Variants in ITGB4 observed in about 807,000 individuals in gnomAD.
ITGB4 encodes the protein integrin subunit beta 4.
ITGB4 carries 159 observed loss-of-function variants against 207.6 expected under a neutral mutation model. The observed-to-expected ratio is 0.77, with a 90% CI of 0.67 to 0.87. The LOEUF (loss-of-function observed/expected upper bound fraction) is 0.87. Ranked by LOEUF, ITGB4 falls within the 40% of genes least tolerant of loss-of-function variation. The pLI, the probability that ITGB4 is intolerant of heterozygous loss-of-function variation, is 0.00. For missense variants in ITGB4, 2,278 were observed against 2,546.8 expected (o/e 0.89, Z 2.27); for synonymous variants, 1,020 against 1,062.7 (o/e 0.96, Z 0.78).
In ITGB4 at chr17:75,742,522, G is replaced by A. The variant is rs374325497; in HGVS notation, c.2782+33G>A. On this transcript the variant is annotated intron_variant, in intron 24 of 39. Coordinates refer to ENST00000200181, the MANE Select transcript of ITGB4 (RefSeq NM_000213.5). The surrounding 1 kb of genome is among the most constrained non-coding windows in gnomAD (Gnocchi z 5.9). ...GGCGGGTCCGCTGTGCCACTGCCTC[G>A]CACCTCCCGCCTGTGTGGCCCTGTG... 25 of 1,613,060 alleles carry A rather than the reference G, an allele frequency of 1.5e-5. No individual in the cohort carries two copies. Among genetic ancestry groups the A allele is most frequent in the Admixed American group, 1.0e-4 (6 of 59,964 alleles).
intron 26 of ITGB4, 130 bp downstream of exon 26, chr17:75,743,991 TC>T: frequency 9.6e-7 from 1 of 1,044,554 alleles, no homozygotes; most frequent in Non-Finnish European, 1.4e-6. Context: ...CTGGCTGGCC[TC>T]CCAAGGACAC....
chr17:75,748,776 G>A (rs1476557630), intron 26 of ITGB4, 65 bp from the exon 27 acceptor site: 25 of 1,228,834 alleles, frequency 2.0e-5, no homozygotes, highest in East Asian at 5.0e-5. Context: ...GGGAGGGAGC[G>A]TGTGGCCATG....
Position 75,738,396 on chromosome 17 carries a change from C to T in ITGB4, c.2220+752C>T, listed in dbSNP as rs78927866. Among the ~76,000 whole-genome samples, 508 of 152,346 alleles carry T rather than the reference C, an allele frequency of 3.3e-3. 4 individuals are homozygous for T. Among genetic ancestry groups the T allele is most frequent in the African/African-American group, 0.011 (477 of 41,576 alleles). On this transcript the variant is annotated intron_variant, in intron 18 of 39. Transcript: ENST00000200181. ...GCATGTCCACGTGACTCCATTTCCC[C>T]GCCCCCCATCACCCCATGAGGTCAG...
chr17:75,724,469 G>GGGGC (rs1253932731), intron 1 of ITGB4, among the ~76,000 whole-genome samples: 1 of 152,250 alleles, frequency 6.6e-6, no homozygotes, highest in Non-Finnish European at 1.5e-5. Context: ...AGGGCTGGAG[G>GGGGC]GGGCCTCCCG....
intron 32 of ITGB4, 73 bp downstream of exon 32, chr17:75,752,650 GA>G: frequency 6.3e-7 from 1 of 1,584,848 alleles, no homozygotes; most frequent in Non-Finnish European, 8.6e-7. Context: ...TGGGTCCAGA[GA>G]GGGCAAAGGG....
At chr17:75,730,201 C>G in intron 7 of ITGB4, 40 bp from the exon 8 acceptor site, 1 of 1,610,422 alleles carries the variant, frequency 6.2e-7, no homozygotes, top group African/African-American at 1.3e-5. Flanking sequence ...TGTCAGCAGG[C>G]AGCCTGCTCA....
intron 34 of ITGB4, chr17:75,755,035 CTT>C (rs1568384601): frequency 3.1e-6 from 5 of 1,589,040 alleles, no homozygotes; most frequent in African/African-American, 1.3e-5. Context: ...TCCTCTCACT[CTT>C]GTTTTGTCCT....
rs1406286299 is a variant in ITGB4, at chr17:75,731,251, C to G, written c.1098C>G (p.Ile366Met). The G allele has an allele frequency of 6.2e-7, 1 of 1,613,284 alleles. No homozygotes were observed. The highest frequency in any genetic ancestry group is 1.3e-5 in the African/African-American group (1 of 74,944). Residue 366 changes from isoleucine to methionine, a missense_variant, in exon 10 of 40, where the codon ATC (isoleucine) becomes ATG (methionine). By Grantham distance (10) the Ile-to-Met change is conservative. Coordinates refer to ENST00000200181, the MANE Select transcript of ITGB4 (RefSeq NM_000213.5). This position sits in a 1 kb window ranked among gnomAD's most constrained non-coding sequence, Gnocchi z 6.8. ...CAACCTCCTTCCTCCTTTAGCGGAT[C>G]CGCTCCAACCTGGACATCCGGGCCC... is the stretch of plus-strand genomic sequence containing the variant. ...VELLEEAFNR[I>M]RSNLDIRALD...
chr17:75,736,601 G>T lies in ITGB4; in HGVS notation c.1897G>T (p.Val633Leu). Residue 633 changes from valine (V) to leucine (L), a missense_variant, in exon 16 of 40, where the codon GTG becomes TTG. Physicochemically the swap from Val to Leu is conservative, Grantham distance 32 (BLOSUM62 1). Coordinates refer to ENST00000200181, the MANE Select transcript of ITGB4 (RefSeq NM_000213.5). ...CCTCTGCGAGGACCTACGCTCCTGC[G>T]TGCAGTGCCAGGCGTGGGGCACCGG... ...PGLCEDLRSC[V>L]QCQAWGTGEK... 3 of 1,603,232 alleles carry T rather than the reference G, an allele frequency of 1.9e-6. No homozygotes were observed. The highest frequency in any genetic ancestry group is 1.7e-6 in the Non-Finnish European group (2 of 1,175,496).
At chr17:75,738,703 A>G (rs1466077810) in intron 18 of ITGB4, among the ~76,000 whole-genome samples, 1 of 152,234 alleles carries the variant, frequency 6.6e-6, no homozygotes, top group African/African-American at 2.4e-5. Flanking sequence ...GACAAGAGAA[A>G]GCGTGGAGGA....
chr17:75,746,593 G>A (rs1183061651), intron 26 of ITGB4, among the ~76,000 whole-genome samples: 1 of 150,256 alleles, frequency 6.7e-6, no homozygotes, highest in Non-Finnish European at 1.5e-5. Context: ...CAAACTCCTA[G>A]GATAACATGA....
Position 75,727,290 on chromosome 17 carries a change from C to T in ITGB4, c.162+13C>T, listed in dbSNP as rs772995224. 1.9e-6 allele frequency: 3 copies of T among 1,613,658 alleles called. No homozygotes were observed. The highest frequency in any genetic ancestry group is 2.5e-6 in the Non-Finnish European group (3 of 1,179,760). ...CTGCACAGACGAGGTGAGGACCTGG[C>T]CCGGGTTGGTGTGGAACAGGCAAGG... On this transcript the variant is annotated intron_variant, in intron 3 of 39. Coordinates refer to ENST00000200181, the MANE Select transcript of ITGB4 (RefSeq NM_000213.5). This position sits in a 1 kb window ranked among gnomAD's most constrained non-coding sequence, Gnocchi z 6.0.
Position 75,750,267 on chromosome 17 carries a change from G to A in ITGB4, c.3473G>A (p.Arg1158Lys). 1.2e-6 allele frequency: 2 copies of A among 1,609,776 alleles called. No individual in the cohort carries two copies. Among genetic ancestry groups the A allele is most frequent in the Non-Finnish European group, 1.7e-6 (2 of 1,177,244 alleles). The change falls in exon 28 of 40, where the codon AGG becomes AAG. Residue 1158 changes from arginine to lysine, a missense_variant and splice_region_variant. By Grantham distance (26) the Arg-to-Lys change is conservative. Transcript: ENST00000200181. The surrounding 1 kb of genome is among the most constrained non-coding windows in gnomAD (Gnocchi z 5.5). The part of the protein sequence containing the change: ...LPPSGKPMGY[R>K]VKYWIQGDSE... ...CCTTCTGGCAAGCCAATGGGGTACAGGGTAAGGCGGGGGGCTGAGGGTCAC... is the reference window on the plus strand; with the variant it reads ...CCTTCTGGCAAGCCAATGGGGTACAAGGTAAGGCGGGGGGCTGAGGGTCAC...
At position 75,740,020 on chromosome 17, in the gene ITGB4, C is replaced by T. The variant is rs985653017; in HGVS notation, c.2395C>T (p.Gln799Ter). ...VVRWKVTNNM[Q>*]RPGFATHAAS... ...CCGCTGGAAGGTCACCAACAACATG[C>T]AGCGGCCTGGCTTTGCCACTCATGC... Residue 799 changes from glutamine (Q) to a stop codon, truncating the protein, a stop_gained, in exon 20 of 40, where the codon CAG becomes TAG. Coordinates refer to ENST00000200181, the MANE Select transcript of ITGB4 (RefSeq NM_000213.5). LOFTEE classifies it high-confidence loss of function. This position sits in a 1 kb window ranked among gnomAD's most constrained non-coding sequence, Gnocchi z 5.9. The T allele has an allele frequency of 3.1e-6, 5 of 1,612,996 alleles. No individual in the cohort carries two copies. The African/African-American group carries it at 6.7e-5, about 22-fold the overall frequency.
chr17:75,757,481 G>C lies in ITGB4; in HGVS notation c.5395G>C (p.Glu1799Gln). The stretch of plus-strand genomic sequence containing the variant: ...CTCCCTCACCCGGCATGTGACCCAG[G>C]AGTTTGTGAGCCGGACACTGACCAC... ...GGSLTRHVTQ[E>Q]FVSRTLTTSG... is the part of the protein sequence containing the mutation. Residue 1799 changes from glutamate (E) to glutamine (Q), a missense_variant, in exon 40 of 40, where the codon GAG becomes CAG. By Grantham distance (29) the Glu-to-Gln change is conservative. Transcript: ENST00000200181. 1 of 1,613,114 alleles carries C rather than the reference G, an allele frequency of 6.2e-7. No homozygotes were observed. Among genetic ancestry groups the C allele is most frequent in the Non-Finnish European group, 8.5e-7 (1 of 1,180,010 alleles).
rs148787870 is a variant in ITGB4 at position 75,740,819 on chromosome 17, C to T, written c.2577C>T (p.Ser859=). Residue 859 remains serine, a synonymous_variant, in exon 22 of 40, where the codon TCC becomes TCT. Coordinates refer to ENST00000200181, the MANE Select transcript of ITGB4 (RefSeq NM_000213.5). The surrounding 1 kb of genome is among the most constrained non-coding windows in gnomAD (Gnocchi z 5.9). ...TGAACGAGGTCTACAGGCAGATCTC[C>T]GGTGTACACAAGCTCCAGCAGACCA... ...ENLNEVYRQI[S]GVHKLQQTKF... is the part of the protein sequence containing the mutation. 1.6e-4 allele frequency: 263 copies of T among 1,613,418 alleles called. No individual in the cohort carries two copies. The highest frequency in any genetic ancestry group is 2.0e-4 in the Non-Finnish European group (235 of 1,180,012).
At position 75,729,359 on chromosome 17, in the gene ITGB4, C is replaced by T; in HGVS notation, c.661C>T (p.Gln221Ter). The T allele has an allele frequency of 6.2e-7, 1 of 1,614,154 alleles. No homozygotes were observed. Among genetic ancestry groups the T allele is most frequent in the Non-Finnish European group, 8.5e-7 (1 of 1,180,028 alleles). ...TGTGGATGAGTTCCGGAATAAACTG[C>T]AGGGAGAGCGGATCTCAGGCAACCT... Reference protein sequence around the residue: ...EDVDEFRNKLQGERISGNLDA... With the variant: ...EDVDEFRNKL Residue 221 changes from glutamine (Q) to a stop codon, truncating the protein, a stop_gained, in exon 7 of 40, where the codon CAG becomes TAG. Transcript: ENST00000200181. LOFTEE classifies it high-confidence loss of function. The surrounding 1 kb of genome is among the most constrained non-coding windows in gnomAD (Gnocchi z 4.4).
chr17:75,742,284 G>A lies in ITGB4; in HGVS notation c.2634-57G>A. 6.2e-7 allele frequency: 1 copy of A among 1,606,624 alleles called. No individual in the cohort carries two copies. Among genetic ancestry groups the A allele is most frequent in the East Asian group, 2.2e-5 (1 of 44,748 alleles). On this transcript the variant is annotated intron_variant, in intron 23 of 39. Transcript: ENST00000200181. This position sits in a 1 kb window ranked among gnomAD's most constrained non-coding sequence, Gnocchi z 5.9. ...GGGGAGAAGACAGGCAGGAGGGACA[G>A]GGCAGCAGGTGCCAGCCTGACCCCT... is the stretch of plus-strand genomic sequence containing the variant.
chr17:75,732,256 G>T lies in ITGB4; in HGVS notation c.1454+17G>T, dbSNP rs778745772. The T allele has an allele frequency of 6.2e-7, 1 of 1,613,204 alleles. No homozygotes were observed. The highest frequency in any genetic ancestry group is 8.5e-7 in the Non-Finnish European group (1 of 1,179,432). On this transcript the variant is annotated intron_variant, in intron 12 of 39. Transcript: ENST00000200181. The surrounding 1 kb of genome is among the most constrained non-coding windows in gnomAD (Gnocchi z 5.3). ...CGAGGGCTGGTGAGTGGGGAAGGGAGTTGGGCACCCAGGACACCAGTGGCC... is the reference window on the plus strand; with the variant it reads ...CGAGGGCTGGTGAGTGGGGAAGGGATTTGGGCACCCAGGACACCAGTGGCC...
Sources: gnomAD v4.1 joint callset for allele counts (sites outside exome capture counted in the v4.1 genomes callset) on GRCh38, gnomAD v4.1.1 for gene constraint, Gnocchi (gnomAD v3.1) non-coding constraint, MANE v1.5 for transcripts, NCBI Gene and HGNC (gene_info 2026-07-23, HGNC 2026-07-21) for gene names.